Variants in CFAP299 observed in about 807,000 individuals in gnomAD.
CFAP299 encodes cilia and flagella associated protein 299, also known as cilia- and flagella-associated protein 299.
Under a neutral mutation model 27.0 loss-of-function variants are expected in CFAP299, and 21 were observed. The observed-to-expected ratio is 0.78, with a 90% confidence interval of 0.55 to 1.12. The LOEUF (loss-of-function observed/expected upper bound fraction) is 1.12. Among genes scored for constraint, CFAP299 ranks in the 50% most tolerant of loss-of-function variants. CFAP299 has a pLI of 0.00. For synonymous variants in CFAP299, 104 were observed against 98.1 expected, an observed-to-expected ratio of 1.06 and a Z score of -0.36; for missense variants, 310 against 276.6, an observed-to-expected ratio of 1.12 and a Z score of -0.86.
At chr4:80,673,526 C>G (rs1235236679) in intron 3 of CFAP299, among the ~76,000 whole-genome samples, 1 of 151,986 alleles carries the variant, frequency 6.6e-6, no homozygotes, top group Admixed American at 6.6e-5. Flanking sequence ...TCTATTAGGT[C>G]TGCTTGGTGC....
intron 2 of CFAP299, among the ~76,000 whole-genome samples, chr4:80,545,531 C>T (rs1196047872): frequency 1.3e-5 from 2 of 152,110 alleles, no homozygotes; most frequent in Non-Finnish European, 2.9e-5. Context: ...CACAAAGCCT[C>T]TCAATATTGA....
At chr4:80,872,554 T>A (rs772517719) in intron 4 of CFAP299, 1 of 152,120 alleles carries the variant, frequency 6.6e-6, no homozygotes, top group Non-Finnish European at 1.5e-5. Flanking sequence ...TACCAAATTA[T>A]TTTTCAGAGT....
chr4:80,961,643 C>T (rs949332388), intron 5 of CFAP299, among the ~76,000 whole-genome samples: 2 of 151,760 alleles, frequency 1.3e-5, no homozygotes, highest in African/African-American at 4.8e-5. Flanking sequence ...AAATTATAAG[C>T]ATCTAGACAC....
intron 2 of CFAP299, among the ~76,000 whole-genome samples, chr4:80,452,110 T>A (rs1560573808): frequency 6.6e-6 from 1 of 152,192 alleles, no homozygotes; most frequent in Non-Finnish European, 1.5e-5. Context: ...TGGTAGTGAA[T>A]GTTTTATGGG....
intron 2 of CFAP299, chr4:80,388,350 CT>C (rs1725135670): frequency 1.5e-6 from 1 of 682,486 alleles, no homozygotes; most frequent in Non-Finnish European, 2.7e-6. Flanking sequence ...GACAGGGGCA[CT>C]GTGATGTATG....
chr4:80,860,088 T>G (rs1168242276), intron 3 of CFAP299, among the ~76,000 whole-genome samples: 2 of 152,214 alleles, frequency 1.3e-5, no homozygotes, highest in African/African-American at 4.8e-5. Context: ...TGTCCCATAT[T>G]TCTTGGAGGC....
Position 80,605,303 on chromosome 4 carries a change from T to C in CFAP299, c.333+22120T>C, listed in dbSNP as rs79688897. ...GCCAAATGCTTAATGAACTTATCTA[T>C]GACTTTATTTTCCAAAGGTAAAAAG... On this transcript the variant is annotated intron_variant, in intron 3 of 5. Transcript: ENST00000358105. 6.8e-3 allele frequency among the ~76,000 whole-genome samples: 1,032 copies of C among 152,344 alleles called. 13 individuals are homozygous for C. Among genetic ancestry groups the C allele is most frequent in the African/African-American group, 0.024 (991 of 41,582 alleles).
intron 3 of CFAP299, among the ~76,000 whole-genome samples, chr4:80,612,018 T>A (rs1048328447): frequency 2.0e-4 from 30 of 152,110 alleles, no homozygotes; most frequent in Non-Finnish European, 3.7e-4. Flanking sequence ...TCGATGATGG[T>A]CATGCTCTAA....
intron 2 of CFAP299, among the ~76,000 whole-genome samples, chr4:80,394,997 T>C (rs1169698278): frequency 6.6e-6 from 1 of 152,112 alleles, no homozygotes; most frequent in South Asian, 2.1e-4. Context: ...TGTATAGAAT[T>C]TGTGGATTAA....
intron 4 of CFAP299, among the ~76,000 whole-genome samples, chr4:80,890,843 G>A (rs1433356082): frequency 2.3e-4 from 32 of 141,958 alleles, no homozygotes; most frequent in Admixed American, 1.9e-3. Flanking sequence ...GTGTTTTTTG[G>A]CTGCATAAAT....
At chr4:80,867,535 T>C (rs1732814817) in intron 3 of CFAP299, among the ~76,000 whole-genome samples, 1 of 152,248 alleles carries the variant, frequency 6.6e-6, no homozygotes, top group Non-Finnish European at 1.5e-5. Flanking sequence ...AATTTTACTT[T>C]CTCACAGTTC....
At chr4:80,375,033 G>A (rs534548000) in intron 2 of CFAP299, among the ~76,000 whole-genome samples, 236 of 152,110 alleles carry the variant, frequency 1.6e-3, no homozygotes, top group Middle Eastern at 6.8e-3. Flanking sequence ...GGCAAATTCA[G>A]TGCTAGAGTG....
intron 3 of CFAP299, among the ~76,000 whole-genome samples, chr4:80,805,127 G>T (rs186963905): frequency 1.3e-5 from 2 of 151,916 alleles, no homozygotes; most frequent in Admixed American, 1.3e-4. Context: ...GAGCTACACT[G>T]TTCATTATCT....
At position 80,464,514 on chromosome 4, in the gene CFAP299, A is replaced by G. The variant is rs62303528; in HGVS notation, c.242+101630A>G. On this transcript the variant is annotated intron_variant, in intron 2 of 5. Transcript: ENST00000358105. ...GCTTTACAGATGGAGTATCTCATCCAGGATTCCAAACTTCAAAGGCTTAAA... is the reference window on the plus strand; with the variant it reads ...GCTTTACAGATGGAGTATCTCATCCGGGATTCCAAACTTCAAAGGCTTAAA... Among the ~76,000 whole-genome samples, 1,390 of 152,350 alleles carry G rather than the reference A, an allele frequency of 9.1e-3. 10 individuals are homozygous for G. The highest frequency in any genetic ancestry group is 0.024 in the Middle Eastern group (7 of 294).
chr4:80,386,894 T>G (rs548347223), intron 2 of CFAP299: 3 of 841,422 alleles, frequency 3.6e-6, no homozygotes. Flanking sequence ...ACACCGAGCA[T>G]TTGTAGGGCT....
intron 3 of CFAP299, among the ~76,000 whole-genome samples, chr4:80,683,984 T>C (rs983538898): frequency 6.6e-6 from 1 of 152,230 alleles, no homozygotes; most frequent in African/African-American, 2.4e-5. Context: ...TTTCTAAAAC[T>C]TTCAGGATCT....
At chr4:80,869,085 G>A (rs1325497746) in intron 3 of CFAP299, among the ~76,000 whole-genome samples, 1 of 152,084 alleles carries the variant, frequency 6.6e-6, no homozygotes, top group Non-Finnish European at 1.5e-5. Flanking sequence ...AGCCTTGCTA[G>A]ACATTGGTCT....
At chr4:80,948,379 C>T (rs1398265322) in intron 5 of CFAP299, among the ~76,000 whole-genome samples, 1 of 152,104 alleles carries the variant, frequency 6.6e-6, no homozygotes, top group African/African-American at 2.4e-5. Flanking sequence ...AGCTGTATAA[C>T]ATCTGGAACA....
intron 3 of CFAP299, among the ~76,000 whole-genome samples, chr4:80,684,274 T>TG (rs11305822): frequency 6.7e-4 from 99 of 148,532 alleles, no homozygotes; most frequent in African/African-American, 1.9e-3. Context: ...TTCTTTTTTT[T>TG]GGGGGGGGGG....
Sources: allele counts gnomAD v4.1 joint callset (sites outside exome capture counted in the v4.1 genomes callset), GRCh38; gene constraint gnomAD v4.1.1; transcripts MANE v1.5; gene names NCBI Gene and HGNC (gene_info 2026-07-23, HGNC 2026-07-21).